The following RARB variants were observed in gnomAD, a reference collection of about 807,000 sequenced individuals.
RARB encodes HBV-activated protein.
In RARB, 17 loss-of-function variants were observed where a neutral mutation model predicts 51.9. The observed-to-expected ratio is 0.33, with a 90% CI of 0.22 to 0.49. RARB has a LOEUF of 0.49. RARB is among the 20% of genes least tolerant of loss of function. The pLI is 0.99. For missense variants in RARB, 369 were observed against 550.8 expected (o/e 0.67, Z 3.30); for synonymous variants, 215 against 195.4 (o/e 1.10, Z -0.84).
At position 25,339,436 on chromosome 3, in the gene RARB, G is replaced by A. The variant is rs116411232; in HGVS notation, c.179-121757G>A. Among the ~76,000 whole-genome samples, 424 of 152,204 alleles carry A rather than the reference G, an allele frequency of 2.8e-3. 2 individuals carry two copies. Among genetic ancestry groups the A allele is most frequent in the African/African-American group, 9.6e-3 (398 of 41,532 alleles). On this transcript the variant is annotated intron_variant, in intron 5 of 11. Transcript: ENST00000383772. ...CTTTCTGTACCTCACTTCTGTTTTC[G>A]GAACGTCACTTTCCTTTTTCTGTCC...
intron 2 of RARB, among the ~76,000 whole-genome samples, chr3:24,893,595 G>A (rs1575058163): frequency 1.3e-5 from 2 of 152,114 alleles, no homozygotes. Context: ...ATAGCTCACT[G>A]CAACCTCATA....
At chr3:24,840,891 C>T (rs1217790802) in intron 1 of RARB, among the ~76,000 whole-genome samples, 3 of 150,948 alleles carry the variant, frequency 2.0e-5, no homozygotes, top group African/African-American at 4.9e-5. Context: ...GGGCTAAAAA[C>T]AAAAGAAACA....
At chr3:25,057,822 T>C (rs1375742462) in intron 2 of RARB, among the ~76,000 whole-genome samples, 1 of 151,924 alleles carries the variant, frequency 6.6e-6, no homozygotes, top group Non-Finnish European at 1.5e-5. Flanking sequence ...TTTTTTACCA[T>C]CGAAAATGTA....
chr3:25,523,197 G>A (rs1698482522), intron 3 of RARB, among the ~76,000 whole-genome samples: 1 of 152,168 alleles, frequency 6.6e-6, no homozygotes, highest in South Asian at 2.1e-4. Context: ...ATATGGAATT[G>A]AGGGATGTCC....
chr3:25,089,222 T>A (rs1164700859), intron 3 of RARB, among the ~76,000 whole-genome samples: 1 of 152,002 alleles, frequency 6.6e-6, no homozygotes, highest in Non-Finnish European at 1.5e-5. Context: ...CCATAAAAAT[T>A]ATCCTGCAAG....
At chr3:25,409,015 C>A (rs1707489448) in intron 5 of RARB, among the ~76,000 whole-genome samples, 1 of 152,106 alleles carries the variant, frequency 6.6e-6, no homozygotes, top group Admixed American at 6.5e-5. Flanking sequence ...GCCTGTGTGA[C>A]ACAGCGAGAC....
intron 5 of RARB, among the ~76,000 whole-genome samples, chr3:25,394,446 T>G (rs1707059922): frequency 6.6e-6 from 1 of 152,140 alleles, no homozygotes; most frequent in Non-Finnish European, 1.5e-5. Context: ...AGTCCACTGT[T>G]TCTTTGTTGA....
chr3:25,008,355 C>T (rs1697320285), intron 2 of RARB, among the ~76,000 whole-genome samples: 1 of 152,132 alleles, frequency 6.6e-6, no homozygotes, highest in Non-Finnish European at 1.5e-5. Context: ...GCTCCTCTGA[C>T]TTGAATCACC....
chr3:25,193,948 G>A (rs928978271), intron 5 of RARB, among the ~76,000 whole-genome samples: 6 of 151,848 alleles, frequency 4.0e-5, no homozygotes, highest in Non-Finnish European at 8.8e-5. Context: ...CAATTTAGAT[G>A]AAAACATTTG....
chr3:25,298,807 A>G (rs78525119), intron 5 of RARB, among the ~76,000 whole-genome samples: 8,641 of 152,254 alleles, frequency 0.057, 400 homozygotes, highest in South Asian at 0.22. Flanking sequence ...ATTCATGGAC[A>G]TGGAGGCTTA....
chr3:25,165,717 T>A (rs1404068283), intron 4 of RARB, among the ~76,000 whole-genome samples: 1 of 152,184 alleles, frequency 6.6e-6, no homozygotes, highest in Non-Finnish European at 1.5e-5. Context: ...AGACCTTAGG[T>A]GAAGCCTGAC....
intron 2 of RARB, among the ~76,000 whole-genome samples, chr3:25,055,760 G>T (rs182826495): frequency 1.2e-3 from 187 of 152,168 alleles, no homozygotes; most frequent in Non-Finnish European, 2.0e-3. Context: ...AATTAGGGTA[G>T]GGCATACCCC....
chr3:25,311,370 G>A (rs1419375815), intron 5 of RARB, among the ~76,000 whole-genome samples: 1 of 152,190 alleles, frequency 6.6e-6, no homozygotes, highest in Non-Finnish European at 1.5e-5. Flanking sequence ...TAAAAGATAC[G>A]GCACTAGCCA....
chr3:25,056,695 C>G (rs1306262465), intron 2 of RARB, among the ~76,000 whole-genome samples: 2 of 152,104 alleles, frequency 1.3e-5, no homozygotes, highest in South Asian at 4.1e-4. Flanking sequence ...ATATGATATA[C>G]ATACCTGTAT....
At chr3:25,201,369 T>C (rs1358661375) in intron 5 of RARB, among the ~76,000 whole-genome samples, 1 of 152,232 alleles carries the variant, frequency 6.6e-6, no homozygotes, top group Non-Finnish European at 1.5e-5. Context: ...AATCATGTCA[T>C]CTGCAAACAG....
At chr3:25,463,122 C>A (rs1252767172) in intron 2 of RARB, among the ~76,000 whole-genome samples, 1 of 152,180 alleles carries the variant, frequency 6.6e-6, no homozygotes, top group Non-Finnish European at 1.5e-5. Context: ...ATCCTCCCAC[C>A]TTGGCCTCCC....
At chr3:25,489,435 A>G (rs1696621748) in intron 2 of RARB, among the ~76,000 whole-genome samples, 1 of 152,252 alleles carries the variant, frequency 6.6e-6, no homozygotes, top group South Asian at 2.1e-4. Context: ...GTTTAAATTT[A>G]CATTTCTTTG....
At chr3:25,073,028 T>A (rs887860054) in intron 3 of RARB, among the ~76,000 whole-genome samples, 1 of 152,126 alleles carries the variant, frequency 6.6e-6, no homozygotes, top group Admixed American at 6.6e-5. Flanking sequence ...GACCTTTTTT[T>A]CCTGCCATTT....
chr3:25,498,480 T>C (rs887989622), intron 2 of RARB, among the ~76,000 whole-genome samples: 1 of 152,222 alleles, frequency 6.6e-6, no homozygotes, highest in African/African-American at 2.4e-5. Flanking sequence ...GTGGAAATGA[T>C]TTACTGAAAC....
Sources: allele counts gnomAD v4.1 joint callset (sites outside exome capture counted in the v4.1 genomes callset), GRCh38; gene constraint gnomAD v4.1.1; transcripts MANE v1.5; gene names NCBI Gene and HGNC (gene_info 2026-07-23, HGNC 2026-07-21).